The following MMAA variants were observed in gnomAD, a reference collection of about 807,000 sequenced individuals.
MMAA encodes methylmalonic aciduria type A protein, mitochondrial.
MMAA carries 41 observed loss-of-function variants against 45.0 expected under a neutral mutation model. The ratio of observed to expected loss-of-function variants is 0.91; its 90% CI spans 0.71 to 1.18. The LOEUF is 1.18. Among genes scored for constraint, MMAA ranks in the 50% most tolerant of loss-of-function variants. MMAA has a pLI of 0.00. For synonymous variants in MMAA, 154 were observed against 178.2 expected, an observed-to-expected ratio of 0.86 and a Z score of 1.08; for missense variants, 460 against 495.7, an observed-to-expected ratio of 0.93 and a Z score of 0.68.
intron 3 of MMAA, among the ~76,000 whole-genome samples, chr4:145,645,216 A>G (rs1425056735): frequency 6.6e-6 from 1 of 152,186 alleles, no homozygotes; most frequent in Non-Finnish European, 1.5e-5. Flanking sequence ...TGGAGATAAT[A>G]GAAAGGGGAG....
intron 2 of MMAA, among the ~76,000 whole-genome samples, chr4:145,640,336 C>A (rs1285792538): frequency 2.0e-5 from 3 of 152,018 alleles, no homozygotes; most frequent in Admixed American, 2.0e-4. Context: ...TGGTCTTGAA[C>A]TCCTGACCTC....
intron 4 of MMAA, among the ~76,000 whole-genome samples, chr4:145,647,421 T>C (rs910492024): frequency 2.6e-5 from 4 of 152,252 alleles, no homozygotes; most frequent in African/African-American, 9.6e-5. Context: ...TTTCATAGTT[T>C]AAGTTAAAAA....
chr4:145,625,069 G>C lies in MMAA; in HGVS notation c.-66+5662G>C, dbSNP rs878932736. Reference sequence around the variant, plus strand: ...CACCGGTTTCATGACTGCCATTCTCGGGCTTCCCCAGCTTATGGGATTCCT... The same window carrying C: ...CACCGGTTTCATGACTGCCATTCTCCGGCTTCCCCAGCTTATGGGATTCCT... On this transcript the variant is annotated intron_variant, in intron 1 of 6. Transcript: ENST00000649156. 1.1e-5 allele frequency: 10 copies of C among 928,248 alleles called. No individual in the cohort carries two copies. The South Asian group carries it at 1.2e-4, about 11-fold the overall frequency. 57.5% of individuals were successfully genotyped at this position (928,248 alleles called of 1,614,324 possible). A position where few individuals can be genotyped will look rare whatever the true frequency, so the allele number is the denominator to read the frequency against.
intron 1 of MMAA, among the ~76,000 whole-genome samples, chr4:145,630,453 G>T (rs1734312838): frequency 6.6e-6 from 1 of 152,136 alleles, no homozygotes; most frequent in African/African-American, 2.4e-5. Flanking sequence ...TTTAGGCCGG[G>T]TGCGGTGGCT....
intron 3 of MMAA, among the ~76,000 whole-genome samples, chr4:145,644,739 C>T (rs1727879642): frequency 6.6e-6 from 1 of 152,164 alleles, no homozygotes; most frequent in Non-Finnish European, 1.5e-5. Flanking sequence ...AGACGTGGTC[C>T]TGTAGGCAAA....
chr4:145,639,865 T>C, intron 2 of MMAA: 1 of 977,310 alleles, frequency 1.0e-6, no homozygotes, highest in Middle Eastern at 5.2e-4. Context: ...GAAGAACTAC[T>C]AGTGAGTTTA....
intron 1 of MMAA, among the ~76,000 whole-genome samples, chr4:145,634,905 T>C (rs1478179517): frequency 6.6e-6 from 1 of 151,880 alleles, no homozygotes; most frequent in East Asian, 2.0e-4. Context: ...CCCATCCTGC[T>C]GTGACTGAGG....
Position 145,654,103 on chromosome 4 carries a change from T to G in MMAA, c.929T>G (p.Leu310Arg). ...ATACAAGCGGAATATGTGAGTGCACTGAAATTACTCCGCAAACGTTCACAA... is the reference window on the plus strand; with the variant it reads ...ATACAAGCGGAATATGTGAGTGCACGGAAATTACTCCGCAAACGTTCACAA... The part of the protein sequence containing the change: ...RRIQAEYVSA[L>R]KLLRKRSQVW... Residue 310 changes from leucine to arginine, a missense_variant, in exon 6 of 7, where the codon CTG becomes CGG. Leu to Arg is a moderately radical substitution (Grantham distance 102). Coordinates refer to ENST00000649156, the MANE Select transcript of MMAA (RefSeq NM_172250.3). 6.2e-7 allele frequency: 1 copy of G among 1,614,194 alleles called. No individual in the cohort carries two copies. The highest frequency in any genetic ancestry group is 8.5e-7 in the Non-Finnish European group (1 of 1,180,020).
intron 1 of MMAA, chr4:145,626,090 G>C: frequency 1.4e-6 from 1 of 729,248 alleles, no homozygotes; most frequent in Admixed American, 2.5e-5. Context: ...AGGGGACCTT[G>C]GGTGGACTGA....
chr4:145,643,463 G>A (rs933855673), intron 3 of MMAA, among the ~76,000 whole-genome samples: 2 of 152,144 alleles, frequency 1.3e-5, no homozygotes, highest in African/African-American at 4.8e-5. Flanking sequence ...GTGTTATAAT[G>A]TGGGTTTAAT....
intron 5 of MMAA, among the ~76,000 whole-genome samples, chr4:145,652,617 C>T (rs575950217): frequency 2.2e-4 from 34 of 152,094 alleles, no homozygotes; most frequent in African/African-American, 6.7e-4. Flanking sequence ...GTAGTCCCAG[C>T]TACTTGGGAG....
At chr4:145,644,626 ATAT>A (rs1727877448) in intron 3 of MMAA, among the ~76,000 whole-genome samples, 1 of 152,228 alleles carries the variant, frequency 6.6e-6, no homozygotes, top group South Asian at 2.1e-4. Flanking sequence ...GTTTGTCAAA[ATAT>A]TATACTACAA....
At chr4:145,622,920 T>A (rs6823317) in intron 1 of MMAA, among the ~76,000 whole-genome samples, 43,575 of 152,026 alleles carry the variant, frequency 0.29, 7,410 homozygotes, top group African/African-American at 0.47. Flanking sequence ...ACACTGTGAG[T>A]CCATGAAGTT....
chr4:145,646,319 C>T (rs893686757), intron 4 of MMAA, 163 bp downstream of exon 4: 1 of 779,870 alleles, frequency 1.3e-6, no homozygotes, highest in South Asian at 1.8e-5. Context: ...AGGTTATAAT[C>T]TTTACCCTCC....
Position 145,639,429 on chromosome 4 carries a change from A to G in MMAA, c.290A>G (p.Gln97Arg). Reference protein sequence around the residue: ...DKLYTGLIQGQRACLAEAITL... With the variant: ...DKLYTGLIQGRRACLAEAITL... The stretch of plus-strand genomic sequence containing the variant: ...CTTTATACTGGTTTAATCCAAGGGC[A>G]AAGGGCCTGTTTAGCAGAGGCCATA... The change falls in exon 2 of 7, where the codon CAA becomes CGA. Residue 97 changes from glutamine (Q) to arginine (R), a missense_variant. Coordinates refer to ENST00000649156, the MANE Select transcript of MMAA (RefSeq NM_172250.3). The G allele has an allele frequency of 6.2e-7, 1 of 1,614,232 alleles. No individual in the cohort carries two copies. Among genetic ancestry groups the G allele is most frequent in the Non-Finnish European group, 8.5e-7 (1 of 1,180,026 alleles).
At chr4:145,632,233 A>G (rs1048747705) in intron 1 of MMAA, among the ~76,000 whole-genome samples, 1 of 152,104 alleles carries the variant, frequency 6.6e-6, no homozygotes, top group African/African-American at 2.4e-5. Flanking sequence ...CTGAGAAAGT[A>G]TTTCTCCTTC....
At chr4:145,636,488 T>C (rs1455153948) in intron 1 of MMAA, among the ~76,000 whole-genome samples, 6 of 152,232 alleles carry the variant, frequency 3.9e-5, no homozygotes, top group Admixed American at 3.3e-4. Flanking sequence ...TTTAATTTCT[T>C]GACCTCAGTT....
chr4:145,619,905 C>T (rs993812818), intron 1 of MMAA, among the ~76,000 whole-genome samples: 4 of 152,132 alleles, frequency 2.6e-5, no homozygotes, highest in Non-Finnish European at 5.9e-5. Flanking sequence ...ATCTAGGTTC[C>T]GTCACATGGC....
intron 5 of MMAA, among the ~76,000 whole-genome samples, chr4:145,651,918 C>T (rs1728101929): frequency 6.6e-6 from 1 of 152,128 alleles, no homozygotes; most frequent in African/African-American, 2.4e-5. Context: ...GTTTGTGCTC[C>T]TATGAGAATC....
Sources: gnomAD v4.1 joint callset for allele counts (sites outside exome capture counted in the v4.1 genomes callset) on GRCh38, gnomAD v4.1.1 for gene constraint, MANE v1.5 for transcripts, NCBI Gene and HGNC (gene_info 2026-07-23, HGNC 2026-07-21) for gene names.